ANO6: variants seen among roughly 807,000 people sequenced by gnomAD.
The protein encoded by ANO6 is anoctamin 6.
ANO6 carries 106 observed loss-of-function variants against 117.5 expected under a neutral mutation model. That is an observed-to-expected ratio of 0.90 (90% CI 0.77 to 1.06). The LOEUF (loss-of-function observed/expected upper bound fraction) is 1.06, where lower values mean the gene tolerates loss of function less well. Among genes scored for constraint, ANO6 ranks in the 50% least tolerant of loss-of-function variants. ANO6 has a pLI of 0.00. For synonymous variants in ANO6, 367 were observed against 385.1 expected (o/e 0.95, Z 0.55); for missense variants, 955 against 1,121.1 (o/e 0.85, Z 2.12).
At chr12:45,432,638 C>T (rs1468890153), downstream of ANO6, among the ~76,000 whole-genome samples, 3 of 152,160 alleles carry the variant, frequency 2.0e-5, no homozygotes, top group Non-Finnish European at 4.4e-5. Context: ...TTGATTTCAC[C>T]TACTAGTTTA....
chr12:45,312,012 C>T (rs1485640639), intron 2 of ANO6, among the ~76,000 whole-genome samples: 1 of 151,946 alleles, frequency 6.6e-6, no homozygotes, highest in Non-Finnish European at 1.5e-5. Flanking sequence ...TTCATTCTAC[C>T]TGGTTTTATT....
At chr12:45,392,402 C>T (rs34756223) in intron 12 of ANO6, among the ~76,000 whole-genome samples, 1 of 152,186 alleles carries the variant, frequency 6.6e-6, no homozygotes, top group African/African-American at 2.4e-5. Flanking sequence ...TGCATCCAGA[C>T]TCCACCTCTG....
At chr12:45,254,165 C>CA (rs1029218482) in intron 1 of ANO6, among the ~76,000 whole-genome samples, 6 of 151,332 alleles carry the variant, frequency 4.0e-5, no homozygotes, top group African/African-American at 9.7e-5. Flanking sequence ...GACTCCGTCT[C>CA]AAAAAAAAAG....
At chr12:45,237,700 A>G (rs1202517125) in intron 1 of ANO6, among the ~76,000 whole-genome samples, 2 of 152,140 alleles carry the variant, frequency 1.3e-5, no homozygotes, top group Non-Finnish European at 2.9e-5. Context: ...TTGTCTTGGC[A>G]ATGTGGGCCT....
At chr12:45,241,924 G>T (rs1421810748) in intron 1 of ANO6, among the ~76,000 whole-genome samples, 4 of 152,220 alleles carry the variant, frequency 2.6e-5, no homozygotes, top group African/African-American at 4.8e-5. Flanking sequence ...GTTGCTGCCT[G>T]ATCCTTTCTG....
intron 10 of ANO6, among the ~76,000 whole-genome samples, chr12:45,387,279 A>G (rs1360442682): frequency 1.3e-5 from 2 of 152,210 alleles, no homozygotes; most frequent in East Asian, 3.8e-4. Context: ...ATTCTGAAAA[A>G]TGATTCCTAA....
chr12:45,218,938 G>A (rs1320687749), intron 1 of ANO6, among the ~76,000 whole-genome samples: 1 of 152,078 alleles, frequency 6.6e-6, no homozygotes, highest in African/African-American at 2.4e-5. Context: ...TTATAATTCA[G>A]ACTGGGAGAA....
At chr12:45,350,866 C>A in intron 7 of ANO6, 92 bp downstream of exon 7, 1 of 1,105,602 alleles carries the variant, frequency 9.0e-7, no homozygotes, top group South Asian at 1.3e-5. Flanking sequence ...AGACTCTTGC[C>A]AGTGAAGGGA....
intron 7 of ANO6, among the ~76,000 whole-genome samples, chr12:45,351,322 T>C (rs1197596781): frequency 2.6e-5 from 4 of 152,212 alleles, no homozygotes; most frequent in Non-Finnish European, 4.4e-5. Context: ...TCTTTTCTTA[T>C]GTCTGCCTCT....
chr12:45,220,934 A>C (rs192712107), intron 1 of ANO6, among the ~76,000 whole-genome samples: 1 of 152,190 alleles, frequency 6.6e-6, no homozygotes, highest in Non-Finnish European at 1.5e-5. Context: ...AAGAACCCAA[A>C]AATTCTGTGC....
chr12:45,424,365 G>C (rs1299871914), intron 19 of ANO6, among the ~76,000 whole-genome samples: 1 of 111,984 alleles, frequency 8.9e-6, no homozygotes, highest in Non-Finnish European at 1.7e-5. Context: ...TAAAGACAGA[G>C]TCTCACTCTG....
chr12:45,362,371 GTCT>G (rs929250390), intron 8 of ANO6, among the ~76,000 whole-genome samples: 32 of 151,804 alleles, frequency 2.1e-4, no homozygotes, highest in Non-Finnish European at 3.8e-4. Flanking sequence ...AACCCTTTGA[GTCT>G]TCTTTTTTTC....
intron 1 of ANO6, among the ~76,000 whole-genome samples, chr12:45,278,531 T>C (rs984127617): frequency 2.0e-5 from 3 of 152,170 alleles, no homozygotes; most frequent in African/African-American, 7.2e-5. Context: ...TTCTGTATCA[T>C]TTTAATTTCC....
chr12:45,432,396 C>T (rs202027995), downstream of ANO6: 1 of 672,796 alleles, frequency 1.5e-6, no homozygotes, highest in African/African-American at 2.0e-5. Flanking sequence ...AGGAAGAGAA[C>T]ATATATCTGC....
chr12:45,304,510 T>TA (rs1252371333), intron 2 of ANO6, among the ~76,000 whole-genome samples: 6 of 152,192 alleles, frequency 3.9e-5, no homozygotes, highest in African/African-American at 1.4e-4. Context: ...TTTTTCTCCA[T>TA]CTGGCATTTT....
At chr12:45,310,544 A>T (rs564327558) in intron 2 of ANO6, among the ~76,000 whole-genome samples, 6 of 152,102 alleles carry the variant, frequency 3.9e-5, no homozygotes, top group Non-Finnish European at 8.8e-5. Context: ...TATGAGATGA[A>T]TGAGAAAACA....
At chr12:45,348,415 A>G (rs750607162) in intron 5 of ANO6, 100 bp downstream of exon 5, 36 of 1,575,016 alleles carry the variant, frequency 2.3e-5, no homozygotes, top group Non-Finnish European at 2.9e-5. Flanking sequence ...CTGCACAAAA[A>G]GAAAAGAAAT....
intron 1 of ANO6, among the ~76,000 whole-genome samples, chr12:45,253,415 G>A (rs1162517629): frequency 6.6e-6 from 1 of 152,170 alleles, no homozygotes; most frequent in Non-Finnish European, 1.5e-5. Flanking sequence ...TTTACAAAAG[G>A]CATGTTGATG....
At chr12:45,219,921 G>A (rs1339886251) in intron 1 of ANO6, among the ~76,000 whole-genome samples, 1 of 152,178 alleles carries the variant, frequency 6.6e-6, no homozygotes, top group Non-Finnish European at 1.5e-5. Context: ...TGTTGTGCTG[G>A]TGGAGATCAC....
Sources: allele counts gnomAD v4.1 joint callset (sites outside exome capture counted in the v4.1 genomes callset), GRCh38; gene constraint gnomAD v4.1.1; transcripts MANE v1.5; gene names NCBI Gene and HGNC (gene_info 2026-07-23, HGNC 2026-07-21).